The following NSD1 variants were observed in gnomAD, a reference collection of about 807,000 sequenced individuals.
NSD1 encodes nuclear receptor binding SET domain protein 1.
NSD1 carries 26 observed loss-of-function variants against 242.7 expected under a neutral mutation model. The observed-to-expected ratio is 0.11, with a 90% CI of 0.08 to 0.15. The LOEUF (loss-of-function observed/expected upper bound fraction) is 0.15. Ranked by LOEUF, NSD1 falls within the 10% of genes least tolerant of loss-of-function variation. The probability of loss-of-function intolerance (pLI) is 1.00; values close to 1 mark genes in which losing one functional copy is unlikely to be tolerated. For missense variants in NSD1, 2,495 were observed against 3,272.8 expected (o/e 0.76, Z 5.80); for synonymous variants, 1,106 against 1,178.1 (o/e 0.94, Z 1.25).
At chr5:177,190,971 T>A (rs1042788912) in intron 2 of NSD1, among the ~76,000 whole-genome samples, 8 of 134,462 alleles carry the variant, frequency 5.9e-5, no homozygotes, top group Non-Finnish European at 1.1e-4. Context: ...CCAGCCTTTT[T>A]TTTTTTTTTC....
At chr5:177,186,162 G>A (rs1761215439) in intron 2 of NSD1, among the ~76,000 whole-genome samples, 1 of 134,614 alleles carries the variant, frequency 7.4e-6, no homozygotes, top group Admixed American at 9.2e-5. Flanking sequence ...GTGGTGGTGT[G>A]CGTTTGTAGT....
chr5:177,221,729 A>G (rs1375845620), intron 5 of NSD1, among the ~76,000 whole-genome samples: 1 of 151,940 alleles, frequency 6.6e-6, no homozygotes, highest in Non-Finnish European at 1.5e-5. Flanking sequence ...TTAGCTTCCC[A>G]AAGTGCTGGG....
chr5:177,162,544 T>C (rs1440629581), intron 2 of NSD1, among the ~76,000 whole-genome samples: 2 of 152,122 alleles, frequency 1.3e-5, no homozygotes, highest in Non-Finnish European at 2.9e-5. Context: ...CACAGGCATG[T>C]GTCACCATGC....
intron 12 of NSD1, among the ~76,000 whole-genome samples, chr5:177,254,902 T>TAGAAAA (rs1756308320): frequency 6.6e-6 from 1 of 152,164 alleles, no homozygotes; most frequent in Non-Finnish European, 1.5e-5. Context: ...GCTATTATCT[T>TAGAAAA]TGAGAGTAGG....
chr5:177,200,784 G>A (rs777358239), intron 3 of NSD1, among the ~76,000 whole-genome samples: 1 of 151,958 alleles, frequency 6.6e-6, no homozygotes, highest in Non-Finnish European at 1.5e-5. Flanking sequence ...TCATTGTATT[G>A]TAAGTACCAC....
chr5:177,264,939 T>C, intron 14 of NSD1: 6 of 892,956 alleles, frequency 6.7e-6, no homozygotes, highest in Non-Finnish European at 1.1e-5. Context: ...AGTGTTATCA[T>C]GGCAAAACTG....
chr5:177,191,755 C>A, intron 2 of NSD1, 129 bp from the exon 3 acceptor site: 3 of 906,114 alleles, frequency 3.3e-6, no homozygotes, highest in South Asian at 1.4e-5. Flanking sequence ...TTTTGTAATT[C>A]TTTTTAGGCT....
intron 2 of NSD1, among the ~76,000 whole-genome samples, chr5:177,142,991 C>T (rs562229753): frequency 9.6e-4 from 146 of 152,324 alleles, no homozygotes; most frequent in Non-Finnish European, 1.8e-3. Context: ...TGCCTTTATT[C>T]TCCTGGTCTG....
At chr5:177,244,853 A>G (rs1254244255) in intron 9 of NSD1, among the ~76,000 whole-genome samples, 5 of 152,228 alleles carry the variant, frequency 3.3e-5, no homozygotes, top group South Asian at 2.1e-4. Flanking sequence ...TATTTTAGCT[A>G]TGTGACAATT....
intron 3 of NSD1, among the ~76,000 whole-genome samples, chr5:177,196,563 G>GT (rs1762115807): frequency 6.6e-6 from 1 of 152,162 alleles, no homozygotes; most frequent in Admixed American, 6.5e-5. Context: ...TGGCTCCCAC[G>GT]TTTTTAGCTT....
chr5:177,285,119 T>A (rs1191244376), intron 20 of NSD1, among the ~76,000 whole-genome samples: 2 of 152,204 alleles, frequency 1.3e-5, no homozygotes, highest in Non-Finnish European at 2.9e-5. Flanking sequence ...GTAAATCTGG[T>A]ATGGCTGAGT....
intron 2 of NSD1, among the ~76,000 whole-genome samples, chr5:177,141,086 G>A (rs1384951948): frequency 6.6e-6 from 1 of 151,944 alleles, no homozygotes; most frequent in Non-Finnish European, 1.5e-5. Flanking sequence ...GCAGTGGGGC[G>A]ATCTCGGCTC....
intron 3 of NSD1, among the ~76,000 whole-genome samples, chr5:177,198,806 T>G (rs1489874690): frequency 6.6e-6 from 1 of 152,238 alleles, no homozygotes; most frequent in Admixed American, 6.5e-5. Context: ...TTTAGATTTG[T>G]ATACTCAACT....
At chr5:177,242,294 A>G (rs898288196) in intron 8 of NSD1, among the ~76,000 whole-genome samples, 3 of 152,100 alleles carry the variant, frequency 2.0e-5, no homozygotes, top group Admixed American at 2.0e-4. Context: ...ACAGAAATGT[A>G]TTTTGTGGAT....
At position 177,292,082 on chromosome 5, in the gene NSD1, G is replaced by A. The variant is rs998492947; in HGVS notation, c.6387G>A (p.Gln2129=). 1.2e-5 allele frequency: 20 copies of A among 1,614,074 alleles called. No individual in the cohort carries two copies. Among genetic ancestry groups the A allele is most frequent in the Admixed American group, 3.3e-5 (2 of 59,998 alleles). Residue 2129 remains glutamine (Q), a synonymous_variant, in exon 22 of 23, where the codon CAG becomes CAA. Coordinates refer to ENST00000439151, the MANE Select transcript of NSD1 (RefSeq NM_022455.5). ...DECFSCGDAG[Q]LVSCKKPGCP... ...GTTTTAGTTGTGGGGATGCTGGCCA[G>A]CTCGTCTCCTGCAAGAAACCAGGCT... is the stretch of plus-strand genomic sequence containing the variant.
chr5:177,152,823 T>G (rs1757838603), intron 2 of NSD1, among the ~76,000 whole-genome samples: 1 of 151,492 alleles, frequency 6.6e-6, no homozygotes, highest in Non-Finnish European at 1.5e-5. Flanking sequence ...TAGCTGAAAT[T>G]ATAGGCGTGT....
chr5:177,193,089 G>A (rs1019220151), intron 3 of NSD1, among the ~76,000 whole-genome samples: 2 of 151,920 alleles, frequency 1.3e-5, no homozygotes, highest in East Asian at 3.9e-4. Context: ...TGAATCTTAG[G>A]TACCTTAGTT....
At chr5:177,232,523 G>A (rs1765139089) in intron 5 of NSD1, among the ~76,000 whole-genome samples, 2 of 152,126 alleles carry the variant, frequency 1.3e-5, no homozygotes, top group South Asian at 4.1e-4. Context: ...ACGTCCCCCA[G>A]GGAAAAACTA....
At chr5:177,188,932 C>T (rs1300367231) in intron 2 of NSD1, among the ~76,000 whole-genome samples, 1 of 151,952 alleles carries the variant, frequency 6.6e-6, no homozygotes, top group Non-Finnish European at 1.5e-5. Context: ...TGTTGGTGAG[C>T]ATTGGAACAC....
Sources: gnomAD v4.1 joint callset for allele counts (sites outside exome capture counted in the v4.1 genomes callset) on GRCh38, gnomAD v4.1.1 for gene constraint, MANE v1.5 for transcripts, NCBI Gene and HGNC (gene_info 2026-07-23, HGNC 2026-07-21) for gene names.